The following STARD3 variants were observed in gnomAD, a reference collection of about 807,000 sequenced individuals.
The protein encoded by STARD3 is StAR related lipid transfer domain containing 3.
Under a neutral mutation model 62.0 loss-of-function variants are expected in STARD3, and 39 were observed. The observed-to-expected ratio is 0.63, with a 90% confidence interval of 0.49 to 0.82. The LOEUF is 0.82. Ranked by LOEUF, STARD3 falls within the 40% of genes least tolerant of loss-of-function variation. STARD3 has a pLI of 0.00. For missense variants in STARD3, 543 were observed against 584.5 expected (o/e 0.93, Z 0.73); for synonymous variants, 229 against 242.4 (o/e 0.94, Z 0.51).
intron 1 of STARD3, among the ~76,000 whole-genome samples, chr17:39,650,777 G>A (rs149277996): frequency 2.6e-5 from 4 of 152,342 alleles, no homozygotes; most frequent in African/African-American, 9.6e-5. Context: ...TCGTGCCACT[G>A]CACTCCAGCC....
intron 2 of STARD3, 135 bp from the exon 3 acceptor site, chr17:39,656,873 C>T: frequency 1.3e-6 from 1 of 784,450 alleles, no homozygotes; most frequent in Non-Finnish European, 2.1e-6. Flanking sequence ...CCAGGGCCCC[C>T]TGGGTGGTGG....
At chr17:39,662,421 T>C in intron 14 of STARD3, 77 bp downstream of exon 14, 3 of 1,409,728 alleles carry the variant, frequency 2.1e-6, no homozygotes, top group Admixed American at 1.9e-5. Flanking sequence ...GCTGCATGAC[T>C]TTGGGGGCTC....
Position 39,663,036 on chromosome 17 carries a change from C to A in STARD3, c.*128C>A. The A allele has an allele frequency of 1.0e-6, 1 of 964,986 alleles. No homozygotes were observed. Among genetic ancestry groups the A allele is most frequent in the Non-Finnish European group, 1.5e-6 (1 of 667,364 alleles). The allele number at this position is 964,986 out of a possible 1,614,324, so 59.8% of individuals were successfully genotyped here. On this transcript the variant is annotated 3_prime_UTR_variant, in exon 15 of 15. Coordinates refer to ENST00000336308, the MANE Select transcript of STARD3 (RefSeq NM_006804.4). Reference sequence around the variant, plus strand: ...CAGGCTGTCACCCTCCACCGAGCCACGCAGTGCCTGGAGTTGACTGACTGA... The same window carrying A: ...CAGGCTGTCACCCTCCACCGAGCCAAGCAGTGCCTGGAGTTGACTGACTGA...
At chr17:39,657,882 G>A in intron 4 of STARD3, 30 bp downstream of exon 4, 1 of 1,614,116 alleles carries the variant, frequency 6.2e-7, no homozygotes. Context: ...GCAGCTTCTG[G>A]GCCCTGGCAG....
In STARD3 at chr17:39,660,285, G is replaced by T; in HGVS notation, c.858+12G>T. 1 of 1,614,046 alleles carries T rather than the reference G, an allele frequency of 6.2e-7. No individual in the cohort carries two copies. The highest frequency in any genetic ancestry group is 8.5e-7 in the Non-Finnish European group (1 of 1,180,024). ...CGTTTATCCTGAAGGTGAGTGAGGG[G>T]AGCGGGTGTCCTGGAGCCCCAGACA... On this transcript the variant is annotated intron_variant, in intron 10 of 14. Transcript: ENST00000336308. This position sits in a 1 kb window ranked among gnomAD's most constrained non-coding sequence, Gnocchi z 4.8.
rs751944635 is a variant in STARD3, at chr17:39,657,775, G to A, written c.298G>A (p.Val100Ile). ...NFKTSFFDIFVLAFFRFSGLL... is the reference protein window; with the variant it reads ...NFKTSFFDIFILAFFRFSGLL... ...CTGCCTTGCTCCCGTCCCCCACCAG[G>A]TCCTGGCCTTCTTCCGCTTCTCTGG... The change falls in exon 4 of 15, where the codon GTC becomes ATC. Residue 100 changes from valine to isoleucine, a missense_variant and splice_region_variant. Transcript: ENST00000336308. 6.2e-7 allele frequency: 1 copy of A among 1,614,160 alleles called. No individual in the cohort carries two copies. The highest frequency in any genetic ancestry group is 8.5e-7 in the Non-Finnish European group (1 of 1,179,996).
chr17:39,661,793 G>A (rs2057201780), intron 13 of STARD3, among the ~76,000 whole-genome samples: 1 of 152,226 alleles, frequency 6.6e-6, no homozygotes, highest in Non-Finnish European at 1.5e-5. Context: ...AATGGGCTTA[G>A]GTGTGCTCAG....
At chr17:39,647,581 G>A (rs1300549789) in intron 1 of STARD3, among the ~76,000 whole-genome samples, 2 of 152,134 alleles carry the variant, frequency 1.3e-5, no homozygotes, top group Non-Finnish European at 2.9e-5. Context: ...GACTGCACAG[G>A]GCAGTTCCAC....
rs377165162 is a variant in STARD3 at position 39,659,572 on chromosome 17, C to T, written c.795+19C>T. 9.5e-5 allele frequency: 153 copies of T among 1,610,964 alleles called. No individual in the cohort carries two copies. The highest frequency in any genetic ancestry group is 1.6e-4 in the Middle Eastern group (1 of 6,074). ...GAATAATGTAAGAAGCCCTCTCCCA[C>T]CTGACCTTCCCATGCGTGTTAGGAG... On this transcript the variant is annotated intron_variant, in intron 9 of 14. Coordinates refer to ENST00000336308, the MANE Select transcript of STARD3 (RefSeq NM_006804.4).
intron 3 of STARD3, among the ~76,000 whole-genome samples, chr17:39,657,422 G>A (rs1356878712): frequency 6.6e-6 from 1 of 152,060 alleles, no homozygotes. Context: ...AGCTACTTGG[G>A]AGGCTGAGGC....
chr17:39,657,827 G>A lies in STARD3; in HGVS notation c.350G>A (p.Arg117Gln), dbSNP rs1877031. The A allele has an allele frequency of 0.64, 1,033,103 of 1,613,930 alleles. 340,167 individuals are homozygous for A. Among genetic ancestry groups the A allele is most frequent in the South Asian group, 0.74 (67,267 of 91,082 alleles). ...CTGCTCCTAGGCTATGCCGTGCTGCGGCTCCGGCACTGGTGGGTGATTGCG... is the reference window on the plus strand; with the variant it reads ...CTGCTCCTAGGCTATGCCGTGCTGCAGCTCCGGCACTGGTGGGTGATTGCG... Reference protein sequence around the residue: ...SGLLLGYAVLRLRHWWVIAVT... With the variant: ...SGLLLGYAVLQLRHWWVIAVT... The change falls in exon 4 of 15, where the codon CGG becomes CAG. Residue 117 changes from arginine to glutamine, a missense_variant. Arg to Gln is a conservative substitution (Grantham distance 43). Coordinates refer to ENST00000336308, the MANE Select transcript of STARD3 (RefSeq NM_006804.4).
At chr17:39,638,561 G>A (rs1389923067) in intron 1 of STARD3, among the ~76,000 whole-genome samples, 1 of 152,174 alleles carries the variant, frequency 6.6e-6, no homozygotes, top group Non-Finnish European at 1.5e-5. Flanking sequence ...CCTTCTACAT[G>A]TTTTTCAGCG....
At chr17:39,659,939 T>C in intron 9 of STARD3, 3 of 559,408 alleles carry the variant, frequency 5.4e-6, no homozygotes, top group South Asian at 4.3e-5. Flanking sequence ...CCAGTTCTTG[T>C]GGCAGCCCCA....
At chr17:39,658,678 AGG>A (rs780981592) in intron 6 of STARD3, 42 bp from the exon 7 acceptor site, 1 of 1,605,566 alleles carries the variant, frequency 6.2e-7, no homozygotes, top group Non-Finnish European at 8.5e-7. Flanking sequence ...CCAGGCTGCT[AGG>A]GTGTAACTGT....
intron 1 of STARD3, among the ~76,000 whole-genome samples, chr17:39,652,288 A>T (rs1447060313): frequency 6.6e-6 from 1 of 152,194 alleles, no homozygotes; most frequent in Non-Finnish European, 1.5e-5. Flanking sequence ...GCATTCATTT[A>T]TTCAACAATC....
intron 1 of STARD3, among the ~76,000 whole-genome samples, chr17:39,647,925 G>A (rs1597790893): frequency 6.6e-6 from 1 of 152,098 alleles, no homozygotes; most frequent in South Asian, 2.1e-4. Context: ...TGGGAGGATC[G>A]CTTAAGCCCA....
rs189260422 is a variant in STARD3, at chr17:39,657,648, C to T, written c.298-127C>T. 514 of 926,726 alleles carry T rather than the reference C, an allele frequency of 5.5e-4. 2 individuals are homozygous for T. In the African/African-American group the frequency reaches 7.5e-3, roughly 13 times the overall value. The allele number at this position is 926,726 out of a possible 1,614,324, so 57.4% of individuals were successfully genotyped here. A position where few individuals can be genotyped will look rare whatever the true frequency, so the allele number is the denominator to read the frequency against. ...TGTCCCAGAGACATGCTGACTCAGTCGTTGTCCCCTGAGGTGTGCATGCCC... is the reference window on the plus strand; with the variant it reads ...TGTCCCAGAGACATGCTGACTCAGTTGTTGTCCCCTGAGGTGTGCATGCCC... On this transcript the variant is annotated intron_variant, in intron 3 of 14. Transcript: ENST00000336308.
rs1000525268 is a variant in STARD3, at chr17:39,662,894, G to A, written c.1324G>A (p.Gly442Arg). Residue 442 changes from glycine (G) to arginine (R), a missense_variant, in exon 15 of 15, where the codon GGG becomes AGG. Gly to Arg is a moderately radical substitution (Grantham distance 125). Transcript: ENST00000336308. ...CCTGCGACAGCGCATCAGCGAGCTG[G>A]GGGCCCGGGCGTGACTGTGCCCCCT... ...FHLRQRISEL[G>R]ARA is the part of the protein sequence containing the mutation. The A allele has an allele frequency of 6.2e-7, 1 of 1,612,016 alleles. No homozygotes were observed. Among genetic ancestry groups the A allele is most frequent in the African/African-American group, 1.3e-5 (1 of 74,986 alleles).
chr17:39,645,881 CTTTTTTTTTTTTT>C (rs71147368), intron 1 of STARD3, among the ~76,000 whole-genome samples: 568 of 55,696 alleles, frequency 0.01, 8 homozygotes, highest in African/African-American at 0.046. Flanking sequence ...GGATTCTTGC[CTTTTTTTTTTTTT>C]TTTTTTTTTT....
Sources: gnomAD v4.1 joint callset for allele counts (sites outside exome capture counted in the v4.1 genomes callset) on GRCh38, gnomAD v4.1.1 for gene constraint, Gnocchi (gnomAD v3.1) non-coding constraint, MANE v1.5 for transcripts, NCBI Gene and HGNC (gene_info 2026-07-23, HGNC 2026-07-21) for gene names.